GDA: variants seen among roughly 807,000 people sequenced by gnomAD.
The protein encoded by GDA is cytoplasmic PSD-95 interactor.
A neutral mutation model predicts 59.6 loss-of-function variants in GDA; 18 were observed. The ratio of observed to expected loss-of-function variants is 0.30; its 90% CI spans 0.21 to 0.45. The LOEUF is 0.45. GDA is among the 20% of genes least tolerant of loss of function. The pLI is 1.00. For synonymous variants in GDA, 201 were observed against 201.1 expected (o/e 1.00, Z 0.00); for missense variants, 427 against 552.3 (o/e 0.77, Z 2.27).
intron 10 of GDA, among the ~76,000 whole-genome samples, chr9:72,239,975 A>G (rs903582921): frequency 1.3e-5 from 2 of 152,320 alleles, no homozygotes; most frequent in African/African-American, 4.8e-5. Flanking sequence ...CCTAGAAATG[A>G]CAGAAGGAAC....
intron 9 of GDA, among the ~76,000 whole-genome samples, chr9:72,230,674 T>G (rs1476609515): frequency 6.6e-6 from 1 of 152,008 alleles, no homozygotes; most frequent in African/African-American, 2.4e-5. Flanking sequence ...CTCCCCTTTT[T>G]CGATCTTAAA....
intron 1 of GDA, among the ~76,000 whole-genome samples, chr9:72,170,460 T>C (rs1829828756): frequency 6.6e-6 from 1 of 152,164 alleles, no homozygotes; most frequent in Non-Finnish European, 1.5e-5. Flanking sequence ...AAAAATATAT[T>C]TGGGCACAAG....
chr9:72,227,285 G>A (rs1014033323), intron 8 of GDA, among the ~76,000 whole-genome samples: 11 of 152,208 alleles, frequency 7.2e-5, no homozygotes, highest in African/African-American at 2.7e-4. Flanking sequence ...GGTCTCATGT[G>A]TGTGCAGTGC....
At chr9:72,160,182 C>T (rs575270549) in intron 1 of GDA, among the ~76,000 whole-genome samples, 1 of 151,998 alleles carries the variant, frequency 6.6e-6, no homozygotes, top group Non-Finnish European at 1.5e-5. Context: ...TGGTGGCGGG[C>T]GCCTGTAGTC....
chr9:72,235,240 T>C lies in GDA; in HGVS notation c.988+4059T>C, dbSNP rs370808615. On this transcript the variant is annotated intron_variant, in intron 10 of 13. Coordinates refer to ENST00000358399, the MANE Select transcript of GDA (RefSeq NM_004293.5). ...AACATAAATCAGGAAGATGTTTCCC[T>C]CAGGCTGGAAAGAGGTTCCTGGGAC... Among the ~76,000 whole-genome samples, 7 of 152,336 alleles carry C rather than the reference T, an allele frequency of 4.6e-5. No homozygotes were observed. In the East Asian group the frequency reaches 1.3e-3, roughly 29 times the overall value.
intron 8 of GDA, among the ~76,000 whole-genome samples, 184 bp from the exon 9 acceptor site, chr9:72,227,759 C>T (rs930347722): frequency 6.6e-6 from 1 of 152,186 alleles, no homozygotes; most frequent in Non-Finnish European, 1.5e-5. Flanking sequence ...AATGTGTTTA[C>T]AGGCCTTTTC....
At chr9:72,146,213 A>C (rs369762028), upstream of GDA, among the ~76,000 whole-genome samples, 43 of 152,250 alleles carry the variant, frequency 2.8e-4, no homozygotes, top group African/African-American at 9.9e-4. Flanking sequence ...CCACAGGCAG[A>C]GAGAAGAGTG....
At chr9:72,217,907 T>C (rs1432253355) in intron 5 of GDA, among the ~76,000 whole-genome samples, 1 of 152,060 alleles carries the variant, frequency 6.6e-6, no homozygotes, top group Non-Finnish European at 1.5e-5. Flanking sequence ...TATTTATTTT[T>C]ATTTTCTATT....
chr9:72,201,690 T>C (rs769590591), intron 2 of GDA, among the ~76,000 whole-genome samples: 1 of 152,166 alleles, frequency 6.6e-6, no homozygotes, highest in African/African-American at 2.4e-5. Flanking sequence ...TTGGCAAATA[T>C]CTGTTTGGAT....
At chr9:72,118,038 T>A (rs1468095403) in intron 1 of GDA, among the ~76,000 whole-genome samples, 1 of 151,956 alleles carries the variant, frequency 6.6e-6, no homozygotes, top group African/African-American at 2.4e-5. Context: ...TTTGGGAGGC[T>A]GAGGCGGGCG....
chr9:72,253,624 T>C (rs1248552951), downstream of GDA: 3 of 152,330 alleles, frequency 2.0e-5, no homozygotes, highest in East Asian at 5.8e-4. Flanking sequence ...AGTCCCAAGA[T>C]GCAGTGGGCA....
chr9:72,253,808 T>G (rs1386309725), downstream of GDA, among the ~76,000 whole-genome samples: 1 of 152,130 alleles, frequency 6.6e-6, no homozygotes, highest in African/African-American at 2.4e-5. Flanking sequence ...ACGTGCAAAT[T>G]ATTGCATGGT....
At chr9:72,180,099 C>T (rs1831000694) in intron 1 of GDA, among the ~76,000 whole-genome samples, 1 of 152,098 alleles carries the variant, frequency 6.6e-6, no homozygotes. Context: ...TGGCTCACAC[C>T]TGTAATCCCA....
At chr9:72,151,870 TGGGATTACAGGCGTGA>T (rs1446133324) in intron 1 of GDA, among the ~76,000 whole-genome samples, 1 of 152,202 alleles carries the variant, frequency 6.6e-6, no homozygotes, top group African/African-American at 2.4e-5. Flanking sequence ...CCCAAAGTGC[TGGGATTACAGGCGTGA>T]GCCACCGCGC....
chr9:72,241,711 AC>A (rs1451085658), intron 11 of GDA, among the ~76,000 whole-genome samples: 1 of 151,942 alleles, frequency 6.6e-6, no homozygotes, highest in Admixed American at 6.6e-5. Flanking sequence ...GGGCAATGTG[AC>A]AAAACCCCGT....
chr9:72,208,338 CG>C (rs1002543903), intron 3 of GDA, among the ~76,000 whole-genome samples: 1 of 152,192 alleles, frequency 6.6e-6, no homozygotes, highest in Non-Finnish European at 1.5e-5. Context: ...ACAGGCAAAA[CG>C]TAAGCAAGAG....
intron 4 of GDA, among the ~76,000 whole-genome samples, chr9:72,211,529 A>G (rs1426954798): frequency 6.6e-6 from 1 of 152,226 alleles, no homozygotes; most frequent in Non-Finnish European, 1.5e-5. Flanking sequence ...CTGTTGGCTG[A>G]TACACTGATG....
chr9:72,212,915 G>A (rs1835565311), intron 4 of GDA, among the ~76,000 whole-genome samples: 1 of 152,112 alleles, frequency 6.6e-6, no homozygotes, highest in African/African-American at 2.4e-5. Context: ...AGCAAAGATA[G>A]TTACATATTT....
intron 1 of GDA, among the ~76,000 whole-genome samples, chr9:72,157,140 A>G (rs1055310316): frequency 6.7e-6 from 1 of 149,196 alleles, no homozygotes; most frequent in African/African-American, 2.5e-5. Context: ...CCTGGGTTCA[A>G]GCGATTCTCC....
Sources: allele counts gnomAD v4.1 joint callset (sites outside exome capture counted in the v4.1 genomes callset), GRCh38; gene constraint gnomAD v4.1.1; transcripts MANE v1.5; gene names NCBI Gene and HGNC (gene_info 2026-07-23, HGNC 2026-07-21).